C4orf36: variants seen among roughly 807,000 people sequenced by gnomAD.
C4orf36 encodes uncharacterized protein C4orf36.
In C4orf36, 11 loss-of-function variants were observed where a neutral mutation model predicts 12.2. The observed-to-expected ratio is 0.90, with a 90% CI of 0.57 to 1.49. The LOEUF (loss-of-function observed/expected upper bound fraction) is 1.49, where lower values mean the gene tolerates loss of function less well. Among genes scored for constraint, C4orf36 ranks in the 40% most tolerant of loss-of-function variants. The pLI is 0.00. For synonymous variants in C4orf36, 54 were observed against 51.3 expected, an observed-to-expected ratio of 1.05 and a Z score of -0.22; for missense variants, 137 against 133.9, an observed-to-expected ratio of 1.02 and a Z score of -0.11.
rs1258601202 is a variant in C4orf36, at chr4:86,890,995, AAAG to A, written c.65+458_65+460del. 9.1e-3 allele frequency among the ~76,000 whole-genome samples: 1,296 copies of A among 142,764 alleles called. 20 individuals are homozygous for A. The highest frequency in any genetic ancestry group is 0.037 in the African/African-American group (1,216 of 32,520). The allele number at this position is 142,764 out of a possible 152,430, so 93.7% of individuals were successfully genotyped here. On this transcript the variant is annotated intron_variant, in intron 2 of 4. Coordinates refer to ENST00000295898, the MANE Select transcript of C4orf36 (RefSeq NM_144645.4). ...ATGTGTTGTCCATCCACTGCCTGCC[AAAG>A]TATACAGGATATAAAAGCGACCCTT...
chr4:86,892,477 C>T (rs919215309), upstream of C4orf36: 2 of 985,058 alleles, frequency 2.0e-6, no homozygotes, highest in Non-Finnish European at 2.4e-6. Context: ...GGGCCCTCCC[C>T]ACCCGCCAGG....
the C4orf36 span, among the ~76,000 whole-genome samples, chr4:86,921,703 C>A: frequency 6.6e-6 from 1 of 151,992 alleles, no homozygotes; most frequent in Non-Finnish European, 1.5e-5. Context: ...TCATTTTAAT[C>A]ATTTTTAAGT....
chr4:86,907,959 G>GAAA, the C4orf36 span, among the ~76,000 whole-genome samples: 1 of 108,710 alleles, frequency 9.2e-6, no homozygotes. Flanking sequence ...CTGTGCCTCA[G>GAAA]AAAAAAAAAA....
chr4:86,927,673 G>A, the C4orf36 span, among the ~76,000 whole-genome samples: 7 of 152,124 alleles, frequency 4.6e-5, no homozygotes, highest in South Asian at 2.1e-4. Flanking sequence ...GGTGGTGGGC[G>A]CCTGCAATCC....
At chr4:86,882,746 C>A (rs921340087) in intron 4 of C4orf36, among the ~76,000 whole-genome samples, 1 of 152,180 alleles carries the variant, frequency 6.6e-6, no homozygotes. Flanking sequence ...AAACCCCACC[C>A]CAAAGTGAAC....
chr4:86,917,600 G>A, the C4orf36 span, among the ~76,000 whole-genome samples: 1 of 150,628 alleles, frequency 6.6e-6, no homozygotes, highest in Non-Finnish European at 1.5e-5. Context: ...GGGAAAGAAG[G>A]AGGGAGGAAG....
the C4orf36 span, among the ~76,000 whole-genome samples, chr4:86,923,913 TTCATG>T: frequency 6.6e-6 from 1 of 152,200 alleles, no homozygotes; most frequent in Admixed American, 6.5e-5. Context: ...TTAGCATGCT[TTCATG>T]TCATATTAAT....
In C4orf36 at chr4:86,887,812, A is replaced by G; in HGVS notation, c.302T>C (p.Leu101Pro). ...CQENTSKEIQ[L>P]LLRERPAGLR... ...ACCGGCTGGCCTTTCCCTCAGGAGA[A>G]GCTGAATTTCCTTAGATGTATTTTC... The change falls in exon 4 of 5, where the codon CTT (leucine) becomes CCT (proline). Residue 101 changes from leucine to proline, a missense_variant. Leu to Pro is a moderately conservative substitution (Grantham distance 98, BLOSUM62 -3). Coordinates refer to ENST00000295898, the MANE Select transcript of C4orf36 (RefSeq NM_144645.4). 1 of 1,614,248 alleles carries G rather than the reference A, an allele frequency of 6.2e-7. No homozygotes were observed. Among genetic ancestry groups the G allele is most frequent in the Non-Finnish European group, 8.5e-7 (1 of 1,180,042 alleles).
At chr4:86,911,093 A>G in the C4orf36 span, among the ~76,000 whole-genome samples, 1 of 152,104 alleles carries the variant, frequency 6.6e-6, no homozygotes, top group Admixed American at 6.6e-5. Flanking sequence ...AAAACAAAAA[A>G]GAAAAAAAGT....
the C4orf36 span, among the ~76,000 whole-genome samples, chr4:86,898,905 G>C: frequency 1.3e-5 from 2 of 152,134 alleles, no homozygotes; most frequent in African/African-American, 4.8e-5. Flanking sequence ...CGAGTGCTCT[G>C]ATAGAAAGTC....
At chr4:86,907,824 C>T in the C4orf36 span, among the ~76,000 whole-genome samples, 2 of 151,872 alleles carry the variant, frequency 1.3e-5, no homozygotes, top group Non-Finnish European at 2.9e-5. Flanking sequence ...AAAAAATTAG[C>T]CAGGCATGGT....
At position 86,891,534 on chromosome 4, in the gene C4orf36, G is replaced by A. The variant is rs75885288; in HGVS notation, c.-14C>T. On this transcript the variant is annotated 5_prime_UTR_variant, in exon 2 of 5. Transcript: ENST00000295898. Reference sequence around the variant, plus strand: ...TCCATACGCCATGGTGAGTTATTACGGTATGATTTCGTTACATAGGTGCCT... The same window carrying A: ...TCCATACGCCATGGTGAGTTATTACAGTATGATTTCGTTACATAGGTGCCT... The A allele has an allele frequency of 6.7e-3, 10,807 of 1,613,692 alleles. 635 individuals are homozygous for A. The African/African-American group carries it at 0.13, about 19-fold the overall frequency.
At chr4:86,876,956 T>C (rs560259298) in intron 4 of C4orf36, among the ~76,000 whole-genome samples, 18 of 152,320 alleles carry the variant, frequency 1.2e-4, no homozygotes, top group Admixed American at 2.6e-4. Flanking sequence ...CGCAGTAGAT[T>C]TGCGGACTTT....
At chr4:86,881,929 C>G (rs1349232508) in intron 4 of C4orf36, among the ~76,000 whole-genome samples, 1 of 152,200 alleles carries the variant, frequency 6.6e-6, no homozygotes, top group Non-Finnish European at 1.5e-5. Context: ...CCACCCATCT[C>G]AGCCTCCCAA....
chr4:86,895,416 A>C (rs1178817599), upstream of C4orf36, among the ~76,000 whole-genome samples: 1 of 152,228 alleles, frequency 6.6e-6, no homozygotes, highest in Non-Finnish European at 1.5e-5. Flanking sequence ...ATACCACTAA[A>C]TATCTTATTG....
chr4:86,913,447 A>C, the C4orf36 span: 1 of 755,694 alleles, frequency 1.3e-6, no homozygotes, highest in Non-Finnish European at 2.4e-6. Flanking sequence ...CCTCTTGTCC[A>C]TGTTGCAAAA....
At chr4:86,882,653 T>C (rs1747074972) in intron 4 of C4orf36, among the ~76,000 whole-genome samples, 1 of 152,212 alleles carries the variant, frequency 6.6e-6, no homozygotes, top group African/African-American at 2.4e-5. Context: ...TTCTGCCAGC[T>C]TATAGAGGCT....
At chr4:86,924,251 G>A in the C4orf36 span, among the ~76,000 whole-genome samples, 1 of 152,186 alleles carries the variant, frequency 6.6e-6, no homozygotes, top group Non-Finnish European at 1.5e-5. Flanking sequence ...ACAGATTGGA[G>A]TGCAGTGGTG....
At chr4:86,894,024 G>C, upstream of C4orf36, among the ~76,000 whole-genome samples, 1 of 150,886 alleles carries the variant, frequency 6.6e-6, no homozygotes. Flanking sequence ...AGCCTCTCGA[G>C]TAGCTGGGAC....
Sources: allele counts gnomAD v4.1 joint callset (sites outside exome capture counted in the v4.1 genomes callset), GRCh38; gene constraint gnomAD v4.1.1; transcripts MANE v1.5; gene names NCBI Gene and HGNC (gene_info 2026-07-23, HGNC 2026-07-21).